Variants in FHIP1A observed in about 807,000 individuals in gnomAD.
The protein encoded by FHIP1A is FHF complex subunit HOOK-interacting protein 1A.
A neutral mutation model predicts 88.6 loss-of-function variants in FHIP1A; 61 were observed. The ratio of observed to expected loss-of-function variants is 0.69; its 90% CI spans 0.56 to 0.85. The LOEUF is 0.85. Ranked by LOEUF, FHIP1A falls within the 40% of genes least tolerant of loss-of-function variation. The pLI is 0.00. For missense variants in FHIP1A, 1,154 were observed against 1,273.5 expected (o/e 0.91, Z 1.43); for synonymous variants, 478 against 496.0 (o/e 0.96, Z 0.48).
intron 1 of FHIP1A, among the ~76,000 whole-genome samples, chr4:151,435,435 C>T (rs1224352711): frequency 6.6e-6 from 1 of 152,116 alleles, no homozygotes; most frequent in Non-Finnish European, 1.5e-5. Context: ...TCTGTGATGA[C>T]TGGATTTGCC....
Position 151,527,536 on chromosome 4 carries a change from G to A in FHIP1A, c.-122-38602G>A, listed in dbSNP as rs577576949. Among the ~76,000 whole-genome samples the A allele has an allele frequency of 5.9e-5, 9 of 152,166 alleles. No individual in the cohort carries two copies. In the South Asian group the frequency reaches 6.2e-4, roughly 11 times the overall value. ...GTTTAAAGAGAGGGAGAGGGAGACCGTGGGGAGAGCGAGAGCGAGAGAGAG... is the reference window on the plus strand; with the variant it reads ...GTTTAAAGAGAGGGAGAGGGAGACCATGGGGAGAGCGAGAGCGAGAGAGAG... On this transcript the variant is annotated intron_variant, in intron 3 of 13. Transcript: ENST00000435205.
At chr4:151,633,629 A>G (rs563681163) in intron 8 of FHIP1A, among the ~76,000 whole-genome samples, 2 of 152,040 alleles carry the variant, frequency 1.3e-5, no homozygotes, top group South Asian at 4.1e-4. Flanking sequence ...ACTTATTCCT[A>G]GAATGCAATG....
chr4:151,507,524 A>G (rs1341008287), intron 3 of FHIP1A, among the ~76,000 whole-genome samples: 1 of 152,168 alleles, frequency 6.6e-6, no homozygotes, highest in East Asian at 1.9e-4. Context: ...ATGTGTATTT[A>G]TTAGTATTTG....
At chr4:151,637,999 G>T (rs1023968393) in intron 8 of FHIP1A, among the ~76,000 whole-genome samples, 5 of 152,136 alleles carry the variant, frequency 3.3e-5, no homozygotes, top group Admixed American at 6.5e-5. Context: ...TCTCAAAAGG[G>T]TACAAAGATT....
chr4:151,594,598 A>C (rs148294807), intron 7 of FHIP1A, among the ~76,000 whole-genome samples: 1 of 143,658 alleles, frequency 7.0e-6, no homozygotes, highest in Non-Finnish European at 1.5e-5. Flanking sequence ...TTTTTTTGAG[A>C]TGGAATCTCG....
rs150457517 is a variant in FHIP1A at position 151,554,970 on chromosome 4, C to CAG, written c.-122-11157_-122-11156dup. On this transcript the variant is annotated intron_variant, in intron 3 of 13. Transcript: ENST00000435205. ...AATGACTTTGAAAAGATTCTTTCTCCAGAGAGAGAGAGCCAAACTGGAATT... is the reference window on the plus strand; with the variant it reads ...AATGACTTTGAAAAGATTCTTTCTCCAGAGAGAGAGAGAGCCAAACTGGAATT... Among the ~76,000 whole-genome samples, 809 of 151,888 alleles carry CAG rather than the reference C, an allele frequency of 5.3e-3. 6 individuals carry two copies. Among genetic ancestry groups the CAG allele is most frequent in the African/African-American group, 0.019 (785 of 41,412 alleles).
chr4:151,461,981 G>A (rs1729156214), intron 2 of FHIP1A, among the ~76,000 whole-genome samples: 1 of 152,106 alleles, frequency 6.6e-6, no homozygotes, highest in East Asian at 1.9e-4. Flanking sequence ...TGGGCAACAA[G>A]GGAGACTCTG....
chr4:151,656,968 T>C lies in FHIP1A; in HGVS notation c.2869+70T>C. Reference sequence around the variant, plus strand: ...CACGTCCCTGGCCTACTGGCCTCAGTTCACAGATGCTGCACTGGCTTCTGG... The same window carrying C: ...CACGTCCCTGGCCTACTGGCCTCAGCTCACAGATGCTGCACTGGCTTCTGG... On this transcript the variant is annotated intron_variant, in intron 13 of 13. Transcript: ENST00000435205. The surrounding 1 kb of genome is among the most constrained non-coding windows in gnomAD (Gnocchi z 4.2). 1 of 1,432,062 alleles carries C rather than the reference T, an allele frequency of 7.0e-7. No individual in the cohort carries two copies. The allele number at this position is 1,432,062 out of a possible 1,614,324, so 88.7% of individuals were successfully genotyped here.
intron 3 of FHIP1A, among the ~76,000 whole-genome samples, chr4:151,526,672 CT>C (rs1345117607): frequency 6.6e-6 from 1 of 151,478 alleles, no homozygotes; most frequent in Non-Finnish European, 1.5e-5. Flanking sequence ...CTGACCCCCC[CT>C]CCTCCCTCCC....
Position 151,662,693 on chromosome 4 carries a change from C to T in FHIP1A, c.3062C>T (p.Ala1021Val). 1 of 1,551,482 alleles carries T rather than the reference C, an allele frequency of 6.4e-7. No homozygotes were observed. Among genetic ancestry groups the T allele is most frequent in the Non-Finnish European group, 8.7e-7 (1 of 1,146,938 alleles). Residue 1021 changes from alanine to valine, a missense_variant, in exon 14 of 14, where the codon GCC becomes GTC. Transcript: ENST00000435205. ...PEFLKELAAL[A>V]QEHSILCYKI... ...TTCCTGAAGGAGCTGGCGGCCTTGGCCCAGGAACACTCCATTCTGTGCTAC... is the reference window on the plus strand; with the variant it reads ...TTCCTGAAGGAGCTGGCGGCCTTGGTCCAGGAACACTCCATTCTGTGCTAC...
At chr4:151,560,280 C>A (rs1451240292) in intron 3 of FHIP1A, among the ~76,000 whole-genome samples, 1 of 152,118 alleles carries the variant, frequency 6.6e-6, no homozygotes, top group East Asian at 1.9e-4. Flanking sequence ...CACATGTTCA[C>A]ATGAAGGGAT....
At chr4:151,468,441 C>T (rs1729403143) in intron 2 of FHIP1A, among the ~76,000 whole-genome samples, 1 of 152,124 alleles carries the variant, frequency 6.6e-6, no homozygotes, top group Admixed American at 6.6e-5. Context: ...TCAGTGAATC[C>T]AGTGGCAATG....
intron 3 of FHIP1A, among the ~76,000 whole-genome samples, chr4:151,512,773 A>G (rs1371001215): frequency 2.0e-5 from 3 of 152,172 alleles, no homozygotes; most frequent in South Asian, 2.1e-4. Context: ...AAAGAAATGA[A>G]CAAAGCCTCC....
chr4:151,539,517 T>C (rs1732193958), intron 3 of FHIP1A, among the ~76,000 whole-genome samples: 1 of 141,330 alleles, frequency 7.1e-6, no homozygotes, highest in Non-Finnish European at 1.5e-5. Flanking sequence ...TGAGCTGAGA[T>C]CTCACCATTG....
At chr4:151,551,512 C>T (rs1422159326) in intron 3 of FHIP1A, among the ~76,000 whole-genome samples, 1 of 152,014 alleles carries the variant, frequency 6.6e-6, no homozygotes, top group Non-Finnish European at 1.5e-5. Flanking sequence ...TAGAACAGAA[C>T]CCTCAGAAAT....
At chr4:151,432,106 G>A (rs969367155) in intron 1 of FHIP1A, among the ~76,000 whole-genome samples, 1 of 152,190 alleles carries the variant, frequency 6.6e-6, no homozygotes, top group African/African-American at 2.4e-5. Context: ...TGGAAGATAA[G>A]TTAGTAAATT....
chr4:151,486,663 C>G (rs1730091439), intron 3 of FHIP1A, among the ~76,000 whole-genome samples: 1 of 152,048 alleles, frequency 6.6e-6, no homozygotes. Context: ...GTTCTGATTT[C>G]TTTCCTTGAA....
intron 3 of FHIP1A, among the ~76,000 whole-genome samples, chr4:151,494,669 A>G (rs1426046390): frequency 6.6e-6 from 1 of 152,154 alleles, no homozygotes; most frequent in African/African-American, 2.4e-5. Flanking sequence ...TTGAGGTTTC[A>G]TATGAATTTT....
intron 4 of FHIP1A, among the ~76,000 whole-genome samples, chr4:151,570,677 C>A (rs1326585388): frequency 1.3e-5 from 2 of 152,170 alleles, no homozygotes; most frequent in Middle Eastern, 3.2e-3. Context: ...ACGGGCTCCT[C>A]AAGATCAGAG....
Sources: allele counts gnomAD v4.1 joint callset (sites outside exome capture counted in the v4.1 genomes callset), GRCh38; gene constraint gnomAD v4.1.1; non-coding constraint Gnocchi (gnomAD v3.1); transcripts MANE v1.5; gene names NCBI Gene and HGNC (gene_info 2026-07-23, HGNC 2026-07-21).